RAB3B: variants seen among roughly 807,000 people sequenced by gnomAD.
RAB3B encodes the protein ras-related protein Rab-3B.
Under a neutral mutation model 20.5 loss-of-function variants are expected in RAB3B, and 11 were observed. The observed-to-expected ratio is 0.54, with a 90% CI of 0.34 to 0.89. The LOEUF (loss-of-function observed/expected upper bound fraction) is 0.89, where lower values mean the gene tolerates loss of function less well. Among genes scored for constraint, RAB3B ranks in the 40% least tolerant of loss-of-function variants. RAB3B has a pLI of 0.02. For synonymous variants in RAB3B, 99 were observed against 106.3 expected (o/e 0.93, Z 0.42); for missense variants, 225 against 280.9 (o/e 0.80, Z 1.42).
chr1:51,947,682 A>G (rs1050986476), intron 2 of RAB3B, among the ~76,000 whole-genome samples: 3 of 152,136 alleles, frequency 2.0e-5, no homozygotes, highest in Non-Finnish European at 4.4e-5. Context: ...GTCGTCACAC[A>G]TGCCACATTC....
intron 4 of RAB3B, among the ~76,000 whole-genome samples, chr1:51,926,767 G>A (rs1571957600): frequency 2.0e-5 from 3 of 152,130 alleles, no homozygotes; most frequent in South Asian, 4.1e-4. Flanking sequence ...GTTTGAGTAC[G>A]GGGCCTGCCA....
chr1:51,944,832 C>A (rs1684543495), intron 2 of RAB3B, among the ~76,000 whole-genome samples: 1 of 152,074 alleles, frequency 6.6e-6, no homozygotes, highest in South Asian at 2.1e-4. Context: ...CTTGAAATGA[C>A]AACAAAGGAT....
intron 1 of RAB3B, among the ~76,000 whole-genome samples, chr1:51,986,276 G>T (rs553168020): frequency 1.0e-3 from 153 of 150,806 alleles, no homozygotes; most frequent in African/African-American, 3.6e-3. Context: ...TCAGCCTCCC[G>T]AGTAGCTGGG....
At chr1:51,982,802 T>A (rs957913045) in intron 1 of RAB3B, among the ~76,000 whole-genome samples, 15 of 148,996 alleles carry the variant, frequency 1.0e-4, no homozygotes, top group African/African-American at 3.1e-4. Flanking sequence ...TAAGAAGTTT[T>A]AAAAATTTTT....
chr1:51,957,342 T>C (rs1405196707), intron 2 of RAB3B, among the ~76,000 whole-genome samples: 1 of 152,218 alleles, frequency 6.6e-6, no homozygotes, highest in Non-Finnish European at 1.5e-5. Flanking sequence ...ATTACCCTCA[T>C]TCTCATCCTC....
chr1:51,959,112 A>G (rs1017447859), intron 2 of RAB3B, among the ~76,000 whole-genome samples: 2 of 152,180 alleles, frequency 1.3e-5, no homozygotes, highest in Non-Finnish European at 2.9e-5. Context: ...ATGGAAAGTT[A>G]AGGAGGGTCC....
chr1:51,939,733 C>T lies in RAB3B; in HGVS notation c.229-2321G>A, dbSNP rs1258906089. Among the ~76,000 whole-genome samples the T allele has an allele frequency of 2.0e-5, 3 of 152,146 alleles. No individual in the cohort carries two copies. In the East Asian group the frequency reaches 5.8e-4, roughly 29 times the overall value. On this transcript the variant is annotated intron_variant, in intron 2 of 4. Transcript: ENST00000371655. ...GGGACCACAGGCATGTGCCACCATG[C>T]CTGGCTAATTTTTTTTACTTTTGTA...
Position 51,914,876 on chromosome 1 carries a change from C to T in RAB3B, c.*5051G>A, listed in dbSNP as rs1684060217. 1.3e-5 allele frequency: 2 copies of T among 152,172 alleles called. No individual in the cohort carries two copies. The highest frequency in any genetic ancestry group is 6.5e-5 in the Admixed American group (1 of 15,278). 9.4% of individuals were successfully genotyped at this position (152,172 alleles called of 1,614,324 possible). ...GAAAACTCGATATCCAAGCAAGGAG[C>T]TTAGTGGCCGGCAGGAGCAGGTGAT... On this transcript the variant is annotated 3_prime_UTR_variant, in exon 5 of 5. Transcript: ENST00000371655.
At chr1:51,980,593 A>C in intron 1 of RAB3B, 1 of 777,964 alleles carries the variant, frequency 1.3e-6, no homozygotes, top group East Asian at 2.4e-5. Context: ...GAAATTCGTC[A>C]TTTGAAACAT....
intron 1 of RAB3B, chr1:51,980,474 T>C (rs1041468491): frequency 1.7e-5 from 11 of 653,176 alleles, no homozygotes; most frequent in South Asian, 1.5e-4. Context: ...GCCTCCAAGA[T>C]GACAAAGAAA....
intron 1 of RAB3B, chr1:51,980,946 A>G: frequency 3.0e-6 from 1 of 338,268 alleles, no homozygotes; most frequent in Non-Finnish European, 5.3e-6. Flanking sequence ...AAGGTAATAC[A>G]TACTTACGGA....
chr1:51,967,289 G>C (rs879925344), intron 2 of RAB3B, among the ~76,000 whole-genome samples: 9 of 151,386 alleles, frequency 5.9e-5, no homozygotes, highest in Non-Finnish European at 1.2e-4. Flanking sequence ...CTCCAGCCTG[G>C]GCAACAAAAG....
chr1:51,921,583 A>C (rs1012179399), intron 4 of RAB3B, among the ~76,000 whole-genome samples: 7 of 151,692 alleles, frequency 4.6e-5, no homozygotes, highest in Admixed American at 3.9e-4. Context: ...CCTCTGCTTT[A>C]ATCCGACTAA....
At chr1:51,952,761 CT>C (rs148820466) in intron 2 of RAB3B, among the ~76,000 whole-genome samples, 2,320 of 152,006 alleles carry the variant, frequency 0.015, 61 homozygotes, top group African/African-American at 0.053. Flanking sequence ...GTAATATAAC[CT>C]TTTTGTTGCC....
chr1:51,931,952 G>A (rs1684332686), intron 4 of RAB3B, among the ~76,000 whole-genome samples: 1 of 152,058 alleles, frequency 6.6e-6, no homozygotes, highest in Non-Finnish European at 1.5e-5. Context: ...AGTTCACCAG[G>A]TGTGGGCTTC....
intron 1 of RAB3B, chr1:51,980,719 G>A (rs1685075096): frequency 1.3e-6 from 1 of 756,194 alleles, no homozygotes; most frequent in Non-Finnish European, 2.4e-6. Context: ...TCACAGCAAA[G>A]TAGTCAGGAA....
rs1318059636 is a variant in RAB3B, at chr1:51,985,779, G to A, written c.-1+4773C>T. Among the ~76,000 whole-genome samples the A allele has an allele frequency of 2.6e-5, 4 of 151,752 alleles. 1 individual carries two copies. The highest frequency in any genetic ancestry group is 9.7e-5 in the African/African-American group (4 of 41,202). On this transcript the variant is annotated intron_variant, in intron 1 of 4. Transcript: ENST00000371655. ...TATTAGCTGTGACTGCCACAGATAGGAGACTAGGAAGTGATGGCAAGAGTA... is the reference window on the plus strand; with the variant it reads ...TATTAGCTGTGACTGCCACAGATAGAAGACTAGGAAGTGATGGCAAGAGTA...
chr1:51,977,879 T>C (rs1187534050), intron 1 of RAB3B, among the ~76,000 whole-genome samples: 1 of 152,190 alleles, frequency 6.6e-6, no homozygotes, highest in African/African-American at 2.4e-5. Context: ...ACTGTTCAAT[T>C]TGACAAATAA....
At chr1:51,928,588 T>C (rs1253346570) in intron 4 of RAB3B, among the ~76,000 whole-genome samples, 2 of 152,206 alleles carry the variant, frequency 1.3e-5, no homozygotes, top group African/African-American at 2.4e-5. Flanking sequence ...GGGTAGTCAC[T>C]GGGTGAGGGT....
Sources: allele counts gnomAD v4.1 joint callset (sites outside exome capture counted in the v4.1 genomes callset), GRCh38; gene constraint gnomAD v4.1.1; transcripts MANE v1.5; gene names NCBI Gene and HGNC (gene_info 2026-07-23, HGNC 2026-07-21).